CELA2B: variants seen among roughly 807,000 people sequenced by gnomAD.
CELA2B encodes the protein chymotrypsin-like elastase family member 2B.
In CELA2B, 27 loss-of-function variants were observed where a neutral mutation model predicts 36.5. That is an observed-to-expected ratio of 0.74 (90% CI 0.55 to 1.02). The LOEUF is 1.02. Among genes scored for constraint, CELA2B ranks in the 50% least tolerant of loss-of-function variants. CELA2B has a pLI of 0.00. For synonymous variants in CELA2B, 143 were observed against 148.5 expected (o/e 0.96, Z 0.27); for missense variants, 340 against 347.8 (o/e 0.98, Z 0.18).
rs185624200 is a variant in CELA2B at position 15,483,665 on chromosome 1, C to T, written c.493+265C>T. 5.5e-4 allele frequency among the ~76,000 whole-genome samples: 84 copies of T among 152,226 alleles called. 2 individuals are homozygous for T. The highest frequency in any genetic ancestry group is 1.9e-3 in the African/African-American group (78 of 41,512). Reference sequence around the variant, plus strand: ...ATAATTGGCTGGGCGCGGTGGCTCACGCCTGTAATCCCGGCACTTTGGGAG... The same window carrying T: ...ATAATTGGCTGGGCGCGGTGGCTCATGCCTGTAATCCCGGCACTTTGGGAG... On this transcript the variant is annotated intron_variant, in intron 5 of 7. Coordinates refer to ENST00000375910, the MANE Select transcript of CELA2B (RefSeq NM_015849.3).
At chr1:15,487,662 G>A (rs1708822279) in intron 7 of CELA2B, among the ~76,000 whole-genome samples, 1 of 152,220 alleles carries the variant, frequency 6.6e-6, no homozygotes, top group Non-Finnish European at 1.5e-5. Context: ...GTATGGCCTT[G>A]TCCAAAGACG....
rs202244887 is a variant in CELA2B, at chr1:15,476,477, A to G, written c.61A>G (p.Thr21Ala). The G allele has an allele frequency of 2.5e-6, 4 of 1,613,900 alleles. No homozygotes were observed. Among genetic ancestry groups the G allele is most frequent in the Non-Finnish European group, 3.4e-6 (4 of 1,180,010 alleles). ...VAGALSCGVS[T>A]YAPDMSRMLG... ...CACAGCCCTCAGTTGTGGGGTCTCC[A>G]CTTACGCGCCTGATATGTCTAGGAT... Residue 21 changes from threonine to alanine, a missense_variant, in exon 2 of 8, where the codon ACT becomes GCT. Physicochemically the swap from Thr to Ala is moderately conservative, Grantham distance 58. Transcript: ENST00000375910.
rs778460448 is a variant in CELA2B, at chr1:15,485,981, T to C, written c.574T>C (p.Trp192Arg). 1.9e-6 allele frequency: 3 copies of C among 1,614,070 alleles called. No homozygotes were observed. The change falls in exon 6 of 8, where the codon TGG (tryptophan) becomes CGG (arginine). Residue 192 changes from tryptophan (W) to arginine (R), a missense_variant. Trp to Arg is a moderately radical substitution (Grantham distance 101, BLOSUM62 -3). Transcript: ENST00000375910. ...DYATCSSSGW[W>R]GSTVKTNMIC... ...TGCCACCTGCTCCAGCTCTGGCTGG[T>C]GGGGCAGCACCGTGAAGACGAATAT...
chr1:15,481,254 G>A, intron 3 of CELA2B, 59 bp downstream of exon 3: 1 of 1,597,944 alleles, frequency 6.3e-7, no homozygotes, highest in South Asian at 1.1e-5. Flanking sequence ...TTTCTGAGCT[G>A]GGGGCTCAAA....
Position 15,482,355 on chromosome 1 carries a change from G to A in CELA2B, c.318G>A (p.Val106=), listed in dbSNP as rs1360401223. The change falls in exon 4 of 8, where the codon GTG becomes GTA. Residue 106 remains valine, a synonymous_variant. Transcript: ENST00000375910. ...GSLAVSVSKI[V]VHKDWNSDQV... ...TGGCCGTCAGTGTCTCTAAGATTGT[G>A]GTGCACAAGGACTGGAACTCCGACC... The A allele has an allele frequency of 6.2e-7, 1 of 1,613,998 alleles. No individual in the cohort carries two copies. The highest frequency in any genetic ancestry group is 1.3e-5 in the African/African-American group (1 of 74,898).
chr1:15,484,679 G>A (rs1176895686), intron 5 of CELA2B, among the ~76,000 whole-genome samples: 1 of 152,158 alleles, frequency 6.6e-6, no homozygotes, highest in African/African-American at 2.4e-5. Context: ...GAGACAGTGA[G>A]AGTGGGGAGG....
At position 15,476,469 on chromosome 1, in the gene CELA2B, G is replaced by T. The variant is rs751583802; in HGVS notation, c.53G>T (p.Gly18Val). The stretch of plus-strand genomic sequence containing the variant: ...TCTCTTTTCACAGCCCTCAGTTGTG[G>T]GGTCTCCACTTACGCGCCTGATATG... Reference protein sequence around the residue: ...STLVAGALSCGVSTYAPDMSR... With the variant: ...STLVAGALSCVVSTYAPDMSR... Residue 18 changes from glycine to valine, a missense_variant, in exon 2 of 8, where the codon GGG (glycine) becomes GTG (valine). Transcript: ENST00000375910. 9 of 1,613,986 alleles carry T rather than the reference G, an allele frequency of 5.6e-6. No individual in the cohort carries two copies. Among genetic ancestry groups the T allele is most frequent in the South Asian group, 2.2e-5 (2 of 91,084 alleles).
chr1:15,477,958 G>A (rs376486714), intron 2 of CELA2B, among the ~76,000 whole-genome samples: 12 of 152,174 alleles, frequency 7.9e-5, no homozygotes, highest in African/African-American at 2.2e-4. Flanking sequence ...AGCAGTCACT[G>A]TGTTTAGAGA....
At chr1:15,476,898 C>G (rs1189513791) in intron 2 of CELA2B, among the ~76,000 whole-genome samples, 1 of 152,136 alleles carries the variant, frequency 6.6e-6, no homozygotes, top group African/African-American at 2.4e-5. Flanking sequence ...AGGAGAAAGA[C>G]TTGAACCTGA....
intron 7 of CELA2B, among the ~76,000 whole-genome samples, chr1:15,489,661 C>A (rs1708849832): frequency 6.6e-6 from 1 of 152,184 alleles, no homozygotes; most frequent in Admixed American, 6.5e-5. Context: ...GCAGAGGAGA[C>A]AAGTGGCCTG....
chr1:15,489,011 G>A (rs960180225), intron 7 of CELA2B, among the ~76,000 whole-genome samples: 2 of 152,176 alleles, frequency 1.3e-5, no homozygotes, highest in Non-Finnish European at 2.9e-5. Context: ...ATCTAAATTG[G>A]GAAAAACCCA....
intron 5 of CELA2B, among the ~76,000 whole-genome samples, chr1:15,484,418 G>C (rs1318127991): frequency 6.6e-6 from 1 of 152,150 alleles, no homozygotes; most frequent in Non-Finnish European, 1.5e-5. Flanking sequence ...TATTAGTGAT[G>C]ATGACATTAT....
chr1:15,483,461 C>A, intron 5 of CELA2B, 61 bp downstream of exon 5: 1 of 1,609,764 alleles, frequency 6.2e-7, no homozygotes. Flanking sequence ...CACCCCTGTC[C>A]GGCCAGGGCC....
chr1:15,483,650 G>A (rs1708769881), intron 5 of CELA2B, among the ~76,000 whole-genome samples: 1 of 152,200 alleles, frequency 6.6e-6, no homozygotes, highest in South Asian at 2.1e-4. Context: ...ATAATTGGCT[G>A]GGCGCGGTGG....
At chr1:15,477,519 A>G (rs1171995756) in intron 2 of CELA2B, among the ~76,000 whole-genome samples, 1 of 152,214 alleles carries the variant, frequency 6.6e-6, no homozygotes, top group Non-Finnish European at 1.5e-5. Flanking sequence ...AGACTATGTA[A>G]ACAATTTTTT....
chr1:15,487,403 C>G lies in CELA2B; in HGVS notation c.758C>G (p.Thr253Arg), dbSNP rs1708818866. ...CNYYYKPSIF[T>R]RVSNYNDWIN... ...TACTACTACAAGCCCTCCATCTTCA[C>G]GCGGGTCTCCAACTACAACGACTGG... Residue 253 changes from threonine (T) to arginine (R), a missense_variant, in exon 7 of 8, where the codon ACG becomes AGG. Transcript: ENST00000375910. 1.2e-6 allele frequency: 2 copies of G among 1,614,242 alleles called. No homozygotes were observed. The highest frequency in any genetic ancestry group is 2.2e-5 in the East Asian group (1 of 44,886).
At chr1:15,486,144 A>G in intron 6 of CELA2B, 98 bp downstream of exon 6, 1 of 1,462,664 alleles carries the variant, frequency 6.8e-7, no homozygotes, top group Non-Finnish European at 9.3e-7. Context: ...CCATCCTCCG[A>G]CCTCCTGGCA....
At chr1:15,487,956 G>C (rs1179795064) in intron 7 of CELA2B, among the ~76,000 whole-genome samples, 1 of 139,590 alleles carries the variant, frequency 7.2e-6, no homozygotes, top group East Asian at 2.1e-4. Flanking sequence ...GACCATCCCA[G>C]GCAAATAAAG....
chr1:15,484,486 A>T (rs1437582765), intron 5 of CELA2B, among the ~76,000 whole-genome samples: 1 of 152,236 alleles, frequency 6.6e-6, no homozygotes, highest in Non-Finnish European at 1.5e-5. Flanking sequence ...TTCCAGGGGT[A>T]CATCCACATA....
Sources: gnomAD v4.1 joint callset for allele counts (sites outside exome capture counted in the v4.1 genomes callset) on GRCh38, gnomAD v4.1.1 for gene constraint, MANE v1.5 for transcripts, NCBI Gene and HGNC (gene_info 2026-07-23, HGNC 2026-07-21) for gene names.